Variants in SOX5 observed in about 807,000 individuals in gnomAD.
SOX5 encodes SRY-box transcription factor 5, also known as transcription factor SOX-5.
A neutral mutation model predicts 92.0 loss-of-function variants in SOX5; 9 were observed. The ratio of observed to expected loss-of-function variants is 0.10; its 90% CI spans 0.06 to 0.17. The LOEUF (loss-of-function observed/expected upper bound fraction) is 0.17, where lower values mean the gene tolerates loss of function less well. SOX5 is among the 10% of genes least tolerant of loss of function. The pLI is 1.00. For missense variants in SOX5, 642 were observed against 944.5 expected (o/e 0.68, Z 4.20); for synonymous variants, 344 against 336.3 (o/e 1.02, Z -0.25).
intron 1 of SOX5, among the ~76,000 whole-genome samples, chr12:24,448,018 T>C (rs1243611532): frequency 6.6e-6 from 1 of 152,062 alleles, no homozygotes; most frequent in Non-Finnish European, 1.5e-5. Flanking sequence ...CTATCTCTAC[T>C]AAAAACACAA....
intron 4 of SOX5, among the ~76,000 whole-genome samples, chr12:24,087,348 A>T (rs1944123171): frequency 6.6e-6 from 1 of 152,086 alleles, no homozygotes; most frequent in South Asian, 2.1e-4. Context: ...ATCCACTGTT[A>T]CACGTACATT....
At chr12:23,932,244 T>C (rs1224565887) in intron 1 of SOX5, among the ~76,000 whole-genome samples, 1 of 151,566 alleles carries the variant, frequency 6.6e-6, no homozygotes, top group Non-Finnish European at 1.5e-5. Flanking sequence ...TCGTGAGACA[T>C]TACATGAAGC....
rs548724366 is a variant in SOX5 at position 24,159,656 on chromosome 12, T to C, written c.-2+53687A>G. Reference sequence around the variant, plus strand: ...CTAAGCCTAATTTTAGAAGATAGCATATGATAAAACAAATTCATCTATCAG... The same window carrying C: ...CTAAGCCTAATTTTAGAAGATAGCACATGATAAAACAAATTCATCTATCAG... On this transcript the variant is annotated intron_variant, in intron 4 of 4. Transcript: ENST00000446891. Among the ~76,000 whole-genome samples the C allele has an allele frequency of 3.9e-5, 6 of 152,114 alleles. No individual in the cohort carries two copies. In the South Asian group the frequency reaches 1.0e-3, roughly 26 times the overall value.
chr12:23,595,524 C>T (rs549383055), intron 9 of SOX5, among the ~76,000 whole-genome samples: 1 of 144,734 alleles, frequency 6.9e-6, no homozygotes, highest in South Asian at 2.2e-4. Flanking sequence ...GAGGCTGAGG[C>T]AGGAGAATGG....
chr12:24,061,774 T>C (rs1055131285), intron 4 of SOX5, among the ~76,000 whole-genome samples: 16 of 152,104 alleles, frequency 1.1e-4, no homozygotes, highest in Admixed American at 8.5e-4. Context: ...CCTTTCTCTT[T>C]TCTGTTTCCT....
intron 1 of SOX5, among the ~76,000 whole-genome samples, chr12:24,466,692 C>A (rs143023968): frequency 6.6e-6 from 1 of 152,108 alleles, no homozygotes; most frequent in Non-Finnish European, 1.5e-5. Context: ...GTTAATTCAC[C>A]CCCAAGACAA....
intron 1 of SOX5, among the ~76,000 whole-genome samples, chr12:24,504,075 C>T (rs993446737): frequency 4.6e-5 from 7 of 152,270 alleles, no homozygotes; most frequent in Admixed American, 3.9e-4. Flanking sequence ...CTTTCTGCAA[C>T]TCTAGGCCTA....
intron 1 of SOX5, among the ~76,000 whole-genome samples, chr12:24,398,397 GA>G (rs2136593302): frequency 6.6e-6 from 1 of 152,250 alleles, no homozygotes; most frequent in African/African-American, 2.4e-5. Context: ...CCAGCTACTC[GA>G]GAGGCTGAGG....
intron 3 of SOX5, among the ~76,000 whole-genome samples, chr12:23,770,948 TTC>T (rs2094912816): frequency 6.6e-6 from 1 of 152,142 alleles, no homozygotes; most frequent in South Asian, 2.1e-4. Context: ...TGCTATATCT[TTC>T]TGTCACAGTG....
chr12:23,750,816 T>C (rs1755953274), intron 4 of SOX5, among the ~76,000 whole-genome samples: 1 of 151,850 alleles, frequency 6.6e-6, no homozygotes, highest in Admixed American at 6.6e-5. Context: ...AATTGTCAAC[T>C]GGACTGTCAA....
intron 4 of SOX5, among the ~76,000 whole-genome samples, chr12:24,187,068 C>T (rs1327052672): frequency 1.3e-5 from 2 of 152,060 alleles, no homozygotes; most frequent in Non-Finnish European, 2.9e-5. Context: ...TTCACAGGGC[C>T]AGGAGGGCAG....
intron 8 of SOX5, among the ~76,000 whole-genome samples, chr12:23,616,493 T>C (rs1171439806): frequency 6.6e-6 from 1 of 151,992 alleles, no homozygotes; most frequent in Non-Finnish European, 1.5e-5. Context: ...CTGAAGGGAG[T>C]AAGGAAGGGT....
At chr12:24,010,939 C>CAA (rs781273458) in intron 4 of SOX5, among the ~76,000 whole-genome samples, 2 of 127,688 alleles carry the variant, frequency 1.6e-5, no homozygotes, top group Admixed American at 7.9e-5. Context: ...GCTCCATTTC[C>CAA]AAAAAAAAAA....
upstream of SOX5, among the ~76,000 whole-genome samples, chr12:23,952,594 A>G (rs1945796146): frequency 6.6e-6 from 1 of 152,216 alleles, no homozygotes; most frequent in African/African-American, 2.4e-5. Flanking sequence ...TATTCTGCAA[A>G]CATTACTGTA....
At chr12:24,247,448 T>C (rs1306842575) in intron 3 of SOX5, among the ~76,000 whole-genome samples, 1 of 151,334 alleles carries the variant, frequency 6.6e-6, no homozygotes, top group Non-Finnish European at 1.5e-5. Flanking sequence ...AGAGAGAGAG[T>C]TGAGTTTATG....
intron 1 of SOX5, among the ~76,000 whole-genome samples, chr12:24,559,901 T>A (rs1954166891): frequency 6.6e-6 from 1 of 152,208 alleles, no homozygotes; most frequent in Non-Finnish European, 1.5e-5. Context: ...AAATGCCTAG[T>A]TATTTACCAA....
chr12:23,946,537 A>T (rs1944620948), intron 1 of SOX5, among the ~76,000 whole-genome samples: 1 of 152,048 alleles, frequency 6.6e-6, no homozygotes, highest in African/African-American at 2.4e-5. Flanking sequence ...CATCCTTGAA[A>T]TATCAAAAAG....
At chr12:23,898,058 A>G (rs2097195159) in intron 1 of SOX5, among the ~76,000 whole-genome samples, 1 of 152,182 alleles carries the variant, frequency 6.6e-6, no homozygotes, top group African/African-American at 2.4e-5. Context: ...ACATAATAAC[A>G]TAATAACCCA....
chr12:23,726,529 G>A (rs1163634124), intron 6 of SOX5, among the ~76,000 whole-genome samples: 1 of 152,082 alleles, frequency 6.6e-6, no homozygotes, highest in Non-Finnish European at 1.5e-5. Context: ...CCAACATACT[G>A]ACTTCGGCCA....
Sources: gnomAD v4.1 joint callset for allele counts (sites outside exome capture counted in the v4.1 genomes callset) on GRCh38, gnomAD v4.1.1 for gene constraint, MANE v1.5 for transcripts, NCBI Gene and HGNC (gene_info 2026-07-23, HGNC 2026-07-21) for gene names.